The following GRIA4 variants were observed in gnomAD, a reference collection of about 807,000 sequenced individuals.
GRIA4 encodes the protein glutamate receptor 4.
In GRIA4, 34 loss-of-function variants were observed where a neutral mutation model predicts 104.0. That is an observed-to-expected ratio of 0.33 (90% CI 0.25 to 0.44). GRIA4 has a LOEUF of 0.44. Ranked by LOEUF, GRIA4 falls within the 20% of genes least tolerant of loss-of-function variation. The pLI, the probability that GRIA4 is intolerant of heterozygous loss-of-function variation, is 1.00. For missense variants in GRIA4, 750 were observed against 1,096.5 expected (o/e 0.68, Z 4.46); for synonymous variants, 386 against 381.9 (o/e 1.01, Z -0.13).
intron 5 of GRIA4, among the ~76,000 whole-genome samples, chr11:105,864,161 T>C (rs2136027797): frequency 6.6e-6 from 1 of 152,332 alleles, no homozygotes; most frequent in East Asian, 1.9e-4. Context: ...GAGAAAATAA[T>C]GTACTCTTAA....
intron 3 of GRIA4, among the ~76,000 whole-genome samples, chr11:105,622,325 T>G (rs1950768871): frequency 6.6e-6 from 1 of 151,900 alleles, no homozygotes; most frequent in South Asian, 2.1e-4. Context: ...GGAATTTATT[T>G]TCTTACATTA....
At chr11:105,969,990 G>A (rs1858601486) in intron 14 of GRIA4, among the ~76,000 whole-genome samples, 1 of 152,078 alleles carries the variant, frequency 6.6e-6, no homozygotes, top group Non-Finnish European at 1.5e-5. Flanking sequence ...TGGGGCTTGG[G>A]GGTCAGGTGC....
At chr11:105,758,350 T>TA (rs1171941045) in intron 4 of GRIA4, among the ~76,000 whole-genome samples, 1 of 152,180 alleles carries the variant, frequency 6.6e-6, no homozygotes, top group Non-Finnish European at 1.5e-5. Context: ...ACATGTTCCT[T>TA]AAAAATCTTT....
intron 3 of GRIA4, among the ~76,000 whole-genome samples, chr11:105,653,983 C>T (rs1408229288): frequency 3.0e-5 from 2 of 66,028 alleles, no homozygotes; most frequent in African/African-American, 5.8e-5. Flanking sequence ...GTATATGCAA[C>T]GGAACACTAT....
chr11:105,703,253 T>C (rs1379266943), intron 3 of GRIA4, among the ~76,000 whole-genome samples: 1 of 152,184 alleles, frequency 6.6e-6, no homozygotes, highest in Non-Finnish European at 1.5e-5. Flanking sequence ...TATCATTTTA[T>C]TCCAAATAAA....
chr11:105,917,815 GGTGTGTGTGTGTGTGTGTGT>G (rs147308478), intron 10 of GRIA4, among the ~76,000 whole-genome samples: 2 of 142,690 alleles, frequency 1.4e-5, no homozygotes, highest in Non-Finnish European at 3.1e-5. Context: ...TTGGTTTAAG[GGTGTGTGTGTGTGTGTGTGT>G]GTGTGTGTGT....
chr11:105,661,483 A>T (rs1412015987), intron 3 of GRIA4, among the ~76,000 whole-genome samples: 1 of 151,662 alleles, frequency 6.6e-6, no homozygotes, highest in Non-Finnish European at 1.5e-5. Flanking sequence ...TCATTTTGAG[A>T]TAAGTAGAAA....
At chr11:105,963,922 T>C (rs998022975) in intron 14 of GRIA4, among the ~76,000 whole-genome samples, 2 of 152,150 alleles carry the variant, frequency 1.3e-5, no homozygotes, top group African/African-American at 2.4e-5. Context: ...CAGAAAATAA[T>C]TGGAGTATTA....
chr11:105,799,166 T>A (rs998832264), intron 4 of GRIA4, among the ~76,000 whole-genome samples: 1 of 152,006 alleles, frequency 6.6e-6, no homozygotes, highest in Non-Finnish European at 1.5e-5. Context: ...GGTGAGTATG[T>A]TTAGATGCCA....
intron 3 of GRIA4, among the ~76,000 whole-genome samples, chr11:105,639,342 C>G (rs1336471508): frequency 2.6e-5 from 4 of 152,006 alleles, no homozygotes; most frequent in Non-Finnish European, 1.5e-5. Flanking sequence ...AATTTCATGA[C>G]TATAAGTTAG....
chr11:105,887,415 C>T (rs1349565152), intron 5 of GRIA4, 104 bp from the exon 6 acceptor site: 2 of 543,790 alleles, frequency 3.7e-6, no homozygotes, highest in Admixed American at 3.5e-5. Context: ...TATCATTTTC[C>T]CATCATGATT....
intron 3 of GRIA4, among the ~76,000 whole-genome samples, chr11:105,697,794 T>C (rs1037118655): frequency 9.9e-5 from 15 of 152,170 alleles, no homozygotes; most frequent in Admixed American, 7.9e-4. Flanking sequence ...GTCGTTTTCT[T>C]AGATGAGTCA....
chr11:105,846,761 G>A (rs1214194853), intron 4 of GRIA4, among the ~76,000 whole-genome samples: 1 of 152,094 alleles, frequency 6.6e-6, no homozygotes, highest in African/African-American at 2.4e-5. Flanking sequence ...GAATCATAAA[G>A]AAAAGTTAAA....
At chr11:105,653,255 C>T (rs986220233) in intron 3 of GRIA4, among the ~76,000 whole-genome samples, 9 of 152,154 alleles carry the variant, frequency 5.9e-5, no homozygotes, top group East Asian at 1.9e-4. Flanking sequence ...TTTTATCTGA[C>T]GGTAGCACAC....
chr11:105,957,402 T>C (rs1403695065), intron 14 of GRIA4, among the ~76,000 whole-genome samples: 1 of 152,222 alleles, frequency 6.6e-6, no homozygotes, highest in Non-Finnish European at 1.5e-5. Flanking sequence ...GTCAGGTTTG[T>C]CAAAGATCAG....
chr11:105,813,980 A>C (rs1258806555), intron 4 of GRIA4, among the ~76,000 whole-genome samples: 10 of 152,170 alleles, frequency 6.6e-5, no homozygotes, highest in South Asian at 4.1e-4. Context: ...AGAAGAGAGA[A>C]TCAGTCCTGC....
intron 5 of GRIA4, among the ~76,000 whole-genome samples, chr11:105,886,135 C>G (rs1434046575): frequency 1.3e-5 from 2 of 152,136 alleles, no homozygotes; most frequent in African/African-American, 4.8e-5. Flanking sequence ...TCACCAATAG[C>G]CATGTATACA....
In GRIA4 at chr11:105,621,763, T is replaced by G. The variant is rs1950752126; in HGVS notation, c.247+9329T>G. On this transcript the variant is annotated intron_variant, in intron 3 of 16. Coordinates refer to ENST00000282499, the MANE Select transcript of GRIA4 (RefSeq NM_000829.4). ...TATATCAAATAATTAAGATTTATGC[T>G]TTTAATGAATATTATCATATATTTT... Among the ~76,000 whole-genome samples the G allele has an allele frequency of 2.6e-5, 4 of 151,842 alleles. No individual in the cohort carries two copies. In the South Asian group the frequency reaches 6.2e-4, roughly 24 times the overall value.
intron 4 of GRIA4, among the ~76,000 whole-genome samples, chr11:105,778,564 G>C (rs1026339417): frequency 6.6e-6 from 1 of 152,112 alleles, no homozygotes; most frequent in Non-Finnish European, 1.5e-5. Flanking sequence ...AATTAGCCGG[G>C]TGTGATGGCG....
Sources: allele counts gnomAD v4.1 joint callset (sites outside exome capture counted in the v4.1 genomes callset), GRCh38; gene constraint gnomAD v4.1.1; transcripts MANE v1.5; gene names NCBI Gene and HGNC (gene_info 2026-07-23, HGNC 2026-07-21).